The following PTPN13 variants were observed in gnomAD, a reference collection of about 807,000 sequenced individuals.
PTPN13 encodes tyrosine-protein phosphatase non-receptor type 13.
In PTPN13, 191 loss-of-function variants were observed where a neutral mutation model predicts 284.0. The observed-to-expected ratio is 0.67, with a 90% confidence interval of 0.60 to 0.76. The LOEUF is 0.76. PTPN13 is among the 30% of genes least tolerant of loss of function. The pLI, the probability that PTPN13 is intolerant of heterozygous loss-of-function variation, is 0.00. For synonymous variants in PTPN13, 986 were observed against 1,022.3 expected, an observed-to-expected ratio of 0.96 and a Z score of 0.68; for missense variants, 2,797 against 2,939.9, an observed-to-expected ratio of 0.95 and a Z score of 1.12.
At chr4:86,636,095 T>C (rs1722985303) in intron 2 of PTPN13, among the ~76,000 whole-genome samples, 1 of 152,156 alleles carries the variant, frequency 6.6e-6, no homozygotes, top group South Asian at 2.1e-4. Flanking sequence ...AATAGGAGGA[T>C]TTGACTTGAT....
chr4:86,716,429 G>A, intron 7 of PTPN13, 101 bp from the exon 8 acceptor site: 5 of 696,132 alleles, frequency 7.2e-6, no homozygotes, highest in Non-Finnish European at 1.2e-5. Flanking sequence ...TTAAAGCAAT[G>A]TATAAAATGT....
intron 6 of PTPN13, among the ~76,000 whole-genome samples, chr4:86,696,724 A>C (rs1244276370): frequency 6.6e-6 from 1 of 152,084 alleles, no homozygotes; most frequent in Non-Finnish European, 1.5e-5. Flanking sequence ...TCTAATAGTC[A>C]TATTGGAGAA....
intron 3 of PTPN13, among the ~76,000 whole-genome samples, chr4:86,683,034 C>A (rs1011061409): frequency 1.3e-5 from 2 of 152,120 alleles, no homozygotes; most frequent in African/African-American, 4.8e-5. Context: ...ATATAAAGTA[C>A]TGTCCTAATA....
intron 41 of PTPN13, among the ~76,000 whole-genome samples, chr4:86,798,312 T>C (rs1743589897): frequency 6.6e-6 from 1 of 152,154 alleles, no homozygotes; most frequent in Non-Finnish European, 1.5e-5. Context: ...GCAAAATTAG[T>C]GTTGTCACCC....
intron 2 of PTPN13, among the ~76,000 whole-genome samples, chr4:86,640,717 C>G (rs760490062): frequency 2.0e-5 from 3 of 152,108 alleles, no homozygotes; most frequent in Non-Finnish European, 2.9e-5. Context: ...AAGGGTTTTT[C>G]CTTGTTTCAC....
intron 2 of PTPN13, among the ~76,000 whole-genome samples, chr4:86,636,427 G>A (rs1229024182): frequency 6.6e-6 from 1 of 152,114 alleles, no homozygotes; most frequent in African/African-American, 2.4e-5. Flanking sequence ...ACTTAGAATA[G>A]TAGGTGAAAA....
At chr4:86,791,126 G>C (rs1292059791) in intron 40 of PTPN13, among the ~76,000 whole-genome samples, 1 of 152,164 alleles carries the variant, frequency 6.6e-6, no homozygotes, top group East Asian at 1.9e-4. Context: ...TGGAGAAATG[G>C]TATACCCCTG....
At chr4:86,739,732 G>A (rs1735942345) in intron 15 of PTPN13, among the ~76,000 whole-genome samples, 1 of 152,120 alleles carries the variant, frequency 6.6e-6, no homozygotes, top group Non-Finnish European at 1.5e-5. Context: ...ACAGTCCAAA[G>A]TCTCATCTGA....
chr4:86,699,236 A>G (rs1040301963), intron 6 of PTPN13, among the ~76,000 whole-genome samples: 2 of 151,898 alleles, frequency 1.3e-5, no homozygotes, highest in African/African-American at 4.8e-5. Flanking sequence ...AAATACAAAA[A>G]CAAAATTAGC....
chr4:86,686,162 G>A (rs1224858486), intron 3 of PTPN13, among the ~76,000 whole-genome samples: 1 of 152,152 alleles, frequency 6.6e-6, no homozygotes, highest in Non-Finnish European at 1.5e-5. Context: ...AGGAATTCAA[G>A]ACGAGCCTGG....
At chr4:86,645,545 AAAC>A (rs1444846325) in intron 2 of PTPN13, among the ~76,000 whole-genome samples, 5 of 152,230 alleles carry the variant, frequency 3.3e-5, no homozygotes, top group Admixed American at 3.3e-4. Context: ...AATATGCAAA[AAAC>A]AACTTTTACC....
chr4:86,760,456 T>C (rs1190866682), intron 23 of PTPN13, among the ~76,000 whole-genome samples: 1 of 152,222 alleles, frequency 6.6e-6, no homozygotes, highest in Non-Finnish European at 1.5e-5. Flanking sequence ...ATCTTACTCA[T>C]GTTTTCAGTA....
chr4:86,705,109 G>T (rs971783557), intron 7 of PTPN13, among the ~76,000 whole-genome samples: 2 of 152,214 alleles, frequency 1.3e-5, no homozygotes, highest in Middle Eastern at 6.8e-3. Flanking sequence ...GCCAGGGCGG[G>T]CAGATCACGA....
intron 41 of PTPN13, 34 bp downstream of exon 41, chr4:86,796,963 T>TTCTA (rs143433323): frequency 2.2e-5 from 27 of 1,252,396 alleles, no homozygotes; most frequent in Middle Eastern, 1.8e-4. Context: ...TCCATAATGC[T>TTCTA]TCTGTCTATC....
intron 40 of PTPN13, among the ~76,000 whole-genome samples, chr4:86,794,726 G>A (rs1165042158): frequency 6.6e-6 from 1 of 152,046 alleles, no homozygotes; most frequent in Non-Finnish European, 1.5e-5. Flanking sequence ...CAGAACAGAG[G>A]CCTTAGAAAT....
chr4:86,708,886 A>G (rs1732060755), intron 7 of PTPN13, among the ~76,000 whole-genome samples: 1 of 151,558 alleles, frequency 6.6e-6, no homozygotes, highest in Non-Finnish European at 1.5e-5. Context: ...ATCTTTTAGC[A>G]TTTCCCATAT....
At chr4:86,635,147 G>A (rs1238934036) in intron 1 of PTPN13, 105 bp from the exon 2 acceptor site, 54 of 1,201,336 alleles carry the variant, frequency 4.5e-5, no homozygotes, top group Non-Finnish European at 6.0e-5. Flanking sequence ...GAGAAATTAG[G>A]TAGACAGGGG....
At chr4:86,635,667 T>A (rs1312691608) in intron 2 of PTPN13, among the ~76,000 whole-genome samples, 2 of 152,108 alleles carry the variant, frequency 1.3e-5, no homozygotes, top group African/African-American at 4.8e-5. Flanking sequence ...AAAATAGCTA[T>A]TAACAAAATA....
chr4:86,694,474 G>A (rs184033689), intron 6 of PTPN13, among the ~76,000 whole-genome samples: 1 of 150,878 alleles, frequency 6.6e-6, no homozygotes, highest in African/African-American at 2.4e-5. Flanking sequence ...CAGCTACTCG[G>A]GAGGCTGAGA....
Sources: allele counts gnomAD v4.1 joint callset (sites outside exome capture counted in the v4.1 genomes callset), GRCh38; gene constraint gnomAD v4.1.1; transcripts MANE v1.5; gene names NCBI Gene and HGNC (gene_info 2026-07-23, HGNC 2026-07-21).